The following FER1L6 variants were observed in gnomAD, a reference collection of about 807,000 sequenced individuals.
The protein encoded by FER1L6 is fer-1-like protein 6.
FER1L6 carries 177 observed loss-of-function variants against 219.2 expected under a neutral mutation model. That is an observed-to-expected ratio of 0.81 (90% CI 0.71 to 0.91). The LOEUF (loss-of-function observed/expected upper bound fraction) is 0.91, where lower values mean the gene tolerates loss of function less well. Ranked by LOEUF, FER1L6 falls within the 40% of genes least tolerant of loss-of-function variation. The pLI is 0.00. For synonymous variants in FER1L6, 768 were observed against 824.3 expected, an observed-to-expected ratio of 0.93 and a Z score of 1.17; for missense variants, 2,153 against 2,259.9, an observed-to-expected ratio of 0.95 and a Z score of 0.96.
At chr8:123,864,205 T>G (rs200767746) in intron 1 of FER1L6, among the ~76,000 whole-genome samples, 4 of 150,824 alleles carry the variant, frequency 2.7e-5, no homozygotes, top group African/African-American at 1.0e-4. Context: ...ATTTGCTTGT[T>G]TGTAAAGTAT....
intron 10 of FER1L6, 141 bp from the exon 11 acceptor site, chr8:123,980,324 C>A (rs947487028): frequency 4.4e-6 from 3 of 684,654 alleles, no homozygotes; most frequent in African/African-American, 1.8e-5. Flanking sequence ...GGCAAGATGG[C>A]AATCGTTGTC....
intron 3 of FER1L6, among the ~76,000 whole-genome samples, chr8:123,963,629 G>C (rs1223470356): frequency 6.6e-6 from 1 of 152,188 alleles, no homozygotes; most frequent in African/African-American, 2.4e-5. Flanking sequence ...CAAGCTTCTG[G>C]TCTTAAATCT....
In FER1L6 at chr8:123,944,978, A is replaced by G. The variant is rs182382341; in HGVS notation, c.-7-11014A>G. 6.6e-5 allele frequency among the ~76,000 whole-genome samples: 10 copies of G among 152,344 alleles called. No individual in the cohort carries two copies. The East Asian group carries it at 1.9e-3, about 29-fold the overall frequency. On this transcript the variant is annotated intron_variant, in intron 1 of 40. Transcript: ENST00000522917. Reference sequence around the variant, plus strand: ...AGGGAGTGTTGCGTCATATTTATGTATAAGTTCAATATATGGATTTCTCCA... The same window carrying G: ...AGGGAGTGTTGCGTCATATTTATGTGTAAGTTCAATATATGGATTTCTCCA...
rs1037850940 is a variant in FER1L6, at chr8:123,853,669, G to A, written c.-8+1484G>A. On this transcript the variant is annotated intron_variant, in intron 1 of 40. Transcript: ENST00000522917. This position sits in a 1 kb window ranked among gnomAD's most constrained non-coding sequence, Gnocchi z 6.6. Reference sequence around the variant, plus strand: ...GCAAGCGTGGAGTAACATATTTTGAGAGAACCTATCCAAGTTGCACGTATG... The same window carrying A: ...GCAAGCGTGGAGTAACATATTTTGAAAGAACCTATCCAAGTTGCACGTATG... Among the ~76,000 whole-genome samples, 1 of 152,220 alleles carries A rather than the reference G, an allele frequency of 6.6e-6. No homozygotes were observed. Among genetic ancestry groups the A allele is most frequent in the Non-Finnish European group, 1.5e-5 (1 of 68,040 alleles).
chr8:124,119,865 C>T lies in FER1L6; in HGVS notation c.*75C>T, dbSNP rs1823415419. 1.0e-5 allele frequency: 15 copies of T among 1,476,138 alleles called. No homozygotes were observed. The highest frequency in any genetic ancestry group is 1.2e-5 in the South Asian group (1 of 80,014). 91.4% of individuals were successfully genotyped at this position (1,476,138 alleles called of 1,614,324 possible). On this transcript the variant is annotated 3_prime_UTR_variant, in exon 41 of 41. Coordinates refer to ENST00000522917, the MANE Select transcript of FER1L6 (RefSeq NM_001039112.2). ...TATCTGGGAGCATCTAAGAACATGT[C>T]CCATGCATGGCACTGTGCTGAGTGC...
intron 33 of FER1L6, 48 bp from the exon 34 acceptor site, chr8:124,091,375 G>A (rs367994994): frequency 7.3e-6 from 11 of 1,501,436 alleles, no homozygotes; most frequent in Non-Finnish European, 1.0e-5. Flanking sequence ...CATACTGGGT[G>A]GTTCTTTAAG....
chr8:123,984,202 C>T (rs927782323), intron 11 of FER1L6: 1 of 152,178 alleles, frequency 6.6e-6, no homozygotes, highest in African/African-American at 2.4e-5. Flanking sequence ...TGCCCCTTCT[C>T]CTCCCTGAAA....
At chr8:124,086,565 T>C (rs1018486440) in intron 33 of FER1L6, among the ~76,000 whole-genome samples, 28 of 152,194 alleles carry the variant, frequency 1.8e-4, no homozygotes, top group Admixed American at 5.9e-4. Context: ...TTAAAAGTTG[T>C]TGTAGTTATT....
chr8:123,963,149 TG>T, intron 2 of FER1L6, 128 bp from the exon 3 acceptor site: 1 of 1,210,436 alleles, frequency 8.3e-7, no homozygotes, highest in Non-Finnish European at 1.1e-6. Flanking sequence ...AGTTTTATGC[TG>T]GCAGAGTCTG....
chr8:124,048,288 G>A (rs1402488771), intron 21 of FER1L6, among the ~76,000 whole-genome samples: 1 of 152,200 alleles, frequency 6.6e-6, no homozygotes, highest in Non-Finnish European at 1.5e-5. Flanking sequence ...ACTGACCTTG[G>A]ATGGCAGAGG....
At chr8:124,028,024 G>T (rs1218909760) in intron 18 of FER1L6, among the ~76,000 whole-genome samples, 1 of 152,208 alleles carries the variant, frequency 6.6e-6, no homozygotes, top group South Asian at 2.1e-4. Flanking sequence ...AAACACTTCA[G>T]AAGGCCCTGT....
intron 17 of FER1L6, among the ~76,000 whole-genome samples, chr8:124,023,151 A>G (rs945624642): frequency 6.6e-6 from 1 of 152,156 alleles, no homozygotes; most frequent in East Asian, 1.9e-4. Flanking sequence ...TCCTGACCTC[A>G]TGATCCACGT....
intron 9 of FER1L6, among the ~76,000 whole-genome samples, chr8:123,976,585 G>C (rs1042156651): frequency 6.6e-6 from 1 of 152,086 alleles, no homozygotes; most frequent in African/African-American, 2.4e-5. Flanking sequence ...CTTCATTGGA[G>C]AAAATGGAAA....
chr8:123,892,187 T>C (rs1812658666), intron 1 of FER1L6, among the ~76,000 whole-genome samples: 1 of 152,180 alleles, frequency 6.6e-6, no homozygotes, highest in Non-Finnish European at 1.5e-5. Flanking sequence ...CATACAAAGG[T>C]AAAATTTGGT....
chr8:123,983,258 A>C (rs1180176470), intron 11 of FER1L6, among the ~76,000 whole-genome samples: 1 of 152,028 alleles, frequency 6.6e-6, no homozygotes, highest in African/African-American at 2.4e-5. Context: ...CCATCTGGAC[A>C]GTTGAGAGGT....
At chr8:123,952,179 CT>C in intron 1 of FER1L6, among the ~76,000 whole-genome samples, 1 of 152,322 alleles carries the variant, frequency 6.6e-6, no homozygotes, top group South Asian at 2.1e-4. Flanking sequence ...CTTATGGCCA[CT>C]TCCTGAACAA....
chr8:123,997,356 T>C (rs1432166048), intron 12 of FER1L6, among the ~76,000 whole-genome samples: 1 of 152,190 alleles, frequency 6.6e-6, no homozygotes, highest in Non-Finnish European at 1.5e-5. Context: ...TCCTGGCCTG[T>C]AAGGTTTCCA....
chr8:124,119,528 G>A, intron 40 of FER1L6, 79 bp from the exon 41 acceptor site: 1 of 957,638 alleles, frequency 1.0e-6, no homozygotes, highest in Admixed American at 2.0e-5. Flanking sequence ...GTGGGAGTCG[G>A]AAACACTTCC....
intron 25 of FER1L6, 80 bp downstream of exon 25, chr8:124,062,112 A>G (rs1235409251): frequency 4.8e-6 from 7 of 1,471,916 alleles, no homozygotes; most frequent in Non-Finnish European, 6.6e-6. Flanking sequence ...GGATTGGCTC[A>G]AAGAGGATGC....
Sources: gnomAD v4.1 joint callset for allele counts (sites outside exome capture counted in the v4.1 genomes callset) on GRCh38, gnomAD v4.1.1 for gene constraint, Gnocchi (gnomAD v3.1) non-coding constraint, MANE v1.5 for transcripts, NCBI Gene and HGNC (gene_info 2026-07-23, HGNC 2026-07-21) for gene names.